DLG2: variants seen among roughly 807,000 people sequenced by gnomAD.
The protein encoded by DLG2 is disks large homolog 2.
Under a neutral mutation model 132.5 loss-of-function variants are expected in DLG2, and 45 were observed. The ratio of observed to expected loss-of-function variants is 0.34; its 90% CI spans 0.27 to 0.44. DLG2 has a LOEUF of 0.44. Ranked by LOEUF, DLG2 falls within the 20% of genes least tolerant of loss-of-function variation. DLG2 has a pLI of 1.00. For synonymous variants in DLG2, 424 were observed against 419.6 expected (o/e 1.01, Z -0.13); for missense variants, 1,045 against 1,196.9 (o/e 0.87, Z 1.87).
In DLG2 at chr11:85,391,668, C is replaced by G. The variant is rs116099108; in HGVS notation, c.41-106303G>C. Among the ~76,000 whole-genome samples, 379 of 152,160 alleles carry G rather than the reference C, an allele frequency of 2.5e-3. 1 individual carries two copies. The highest frequency in any genetic ancestry group is 8.8e-3 in the African/African-American group (367 of 41,530). The stretch of plus-strand genomic sequence containing the variant: ...CAATAAATGTGATACACCACACAAA[C>G]AGAACTAAAAACAAAAATCAGATGA... On this transcript the variant is annotated intron_variant, in intron 3 of 27. Coordinates refer to ENST00000376104, the MANE Select transcript of DLG2 (RefSeq NM_001142699.3).
At chr11:84,822,208 T>C (rs1462975724) in intron 6 of DLG2, among the ~76,000 whole-genome samples, 2 of 151,768 alleles carry the variant, frequency 1.3e-5, no homozygotes, top group African/African-American at 4.8e-5. Flanking sequence ...TGGCAAAGTG[T>C]TTTCAATTAT....
intron 6 of DLG2, among the ~76,000 whole-genome samples, chr11:85,048,626 T>C (rs1373422976): frequency 6.6e-6 from 1 of 152,034 alleles, no homozygotes; most frequent in Non-Finnish European, 1.5e-5. Flanking sequence ...TATCCTATTA[T>C]TTAGTTGAGC....
chr11:85,052,527 G>T (rs1056188033), intron 6 of DLG2, among the ~76,000 whole-genome samples: 45 of 152,052 alleles, frequency 3.0e-4, no homozygotes, highest in Admixed American at 8.5e-4. Context: ...ACAGAAACTT[G>T]GTAATGAATT....
At chr11:83,470,616 T>C (rs2091907659) in intron 24 of DLG2, among the ~76,000 whole-genome samples, 2 of 152,204 alleles carry the variant, frequency 1.3e-5, no homozygotes, top group South Asian at 2.1e-4. Context: ...TTTCATTTGC[T>C]CCTTCCTGTC....
intron 19 of DLG2, among the ~76,000 whole-genome samples, chr11:83,609,190 T>C (rs2059762811): frequency 6.6e-6 from 1 of 152,206 alleles, no homozygotes; most frequent in African/African-American, 2.4e-5. Flanking sequence ...TGGGCACAAA[T>C]GGCCTACAAA....
At chr11:85,177,261 A>ATT (rs1408280390) in intron 4 of DLG2, among the ~76,000 whole-genome samples, 4 of 126,578 alleles carry the variant, frequency 3.2e-5, no homozygotes, top group African/African-American at 1.2e-4. Context: ...ATGTATATGT[A>ATT]TTTATATATA....
chr11:84,381,217 AAC>A (rs1314265376), intron 7 of DLG2, among the ~76,000 whole-genome samples: 1 of 152,080 alleles, frequency 6.6e-6, no homozygotes, highest in African/African-American at 2.4e-5. Context: ...TAAATATTAA[AAC>A]AGTGAATAAA....
intron 17 of DLG2, among the ~76,000 whole-genome samples, chr11:83,812,717 A>T (rs1207219721): frequency 6.6e-6 from 1 of 152,126 alleles, no homozygotes; most frequent in East Asian, 1.9e-4. Flanking sequence ...CCTTCATCTG[A>T]TTTCTTTCAC....
intron 6 of DLG2, among the ~76,000 whole-genome samples, chr11:84,672,356 C>T (rs2099706824): frequency 1.3e-5 from 2 of 152,068 alleles, no homozygotes; most frequent in African/African-American, 4.8e-5. Flanking sequence ...AAGCATATCT[C>T]AGGCAAAGAG....
intron 7 of DLG2, among the ~76,000 whole-genome samples, chr11:84,347,675 C>T (rs1486157859): frequency 1.3e-5 from 2 of 152,188 alleles, no homozygotes; most frequent in East Asian, 1.9e-4. Context: ...ACTCCTAGCA[C>T]CCTATGCTGA....
At chr11:83,895,164 T>TTC (rs2071252018) in intron 15 of DLG2, among the ~76,000 whole-genome samples, 1 of 148,914 alleles carries the variant, frequency 6.7e-6, no homozygotes, top group Admixed American at 6.7e-5. Flanking sequence ...TTTTTTTTTT[T>TTC]TTTGGAGATG....
chr11:83,785,940 C>T (rs777986203), intron 18 of DLG2, among the ~76,000 whole-genome samples: 14 of 152,276 alleles, frequency 9.2e-5, no homozygotes, highest in Non-Finnish European at 1.6e-4. Flanking sequence ...TTTTTAATAA[C>T]AAGATCTGAC....
At chr11:85,540,377 C>A (rs964911907) in intron 3 of DLG2, among the ~76,000 whole-genome samples, 2 of 152,156 alleles carry the variant, frequency 1.3e-5, no homozygotes, top group Non-Finnish European at 2.9e-5. Context: ...CAGACACCAG[C>A]AGATGCTGAC....
chr11:84,372,781 T>C (rs994960160), intron 7 of DLG2, among the ~76,000 whole-genome samples: 1 of 152,198 alleles, frequency 6.6e-6, no homozygotes, highest in Non-Finnish European at 1.5e-5. Flanking sequence ...TCCATTAGCT[T>C]AACTAAAGGT....
chr11:85,260,397 T>A (rs527789736), intron 4 of DLG2, among the ~76,000 whole-genome samples: 39 of 152,346 alleles, frequency 2.6e-4, no homozygotes, highest in African/African-American at 8.9e-4. Context: ...ATTGGGCCTA[T>A]GTCAATCTTC....
chr11:85,612,133 C>G (rs1057444700), intron 2 of DLG2, among the ~76,000 whole-genome samples: 1 of 152,158 alleles, frequency 6.6e-6, no homozygotes, highest in African/African-American at 2.4e-5. Flanking sequence ...AATTTAAAAC[C>G]TATAATTGAT....
intron 19 of DLG2, among the ~76,000 whole-genome samples, chr11:83,599,274 C>A (rs2058129612): frequency 6.6e-6 from 1 of 152,176 alleles, no homozygotes; most frequent in Non-Finnish European, 1.5e-5. Context: ...ACTTCCCCTT[C>A]CCTCATGCCT....
intron 7 of DLG2, among the ~76,000 whole-genome samples, chr11:84,464,396 G>A (rs1219084401): frequency 4.6e-5 from 7 of 151,188 alleles, no homozygotes. Context: ...GTAAACATGA[G>A]TACTAACCCT....
At chr11:83,771,911 A>G (rs1464133903) in intron 18 of DLG2, among the ~76,000 whole-genome samples, 1 of 152,188 alleles carries the variant, frequency 6.6e-6, no homozygotes, top group Non-Finnish European at 1.5e-5. Flanking sequence ...ATTTTTGCAC[A>G]TATTTCCAAG....
Sources: allele counts gnomAD v4.1 joint callset (sites outside exome capture counted in the v4.1 genomes callset), GRCh38; gene constraint gnomAD v4.1.1; transcripts MANE v1.5; gene names NCBI Gene and HGNC (gene_info 2026-07-23, HGNC 2026-07-21).